SHISA9: variants seen among roughly 807,000 people sequenced by gnomAD.
The protein encoded by SHISA9 is protein shisa-9.
A neutral mutation model predicts 38.0 loss-of-function variants in SHISA9; 13 were observed. That is an observed-to-expected ratio of 0.34 (90% CI 0.22 to 0.54). SHISA9 has a LOEUF of 0.54. Ranked by LOEUF, SHISA9 falls within the 20% of genes least tolerant of loss-of-function variation. The pLI is 0.91. For missense variants in SHISA9, 538 were observed against 575.8 expected, an observed-to-expected ratio of 0.93 and a Z score of 0.67; for synonymous variants, 275 against 242.0, an observed-to-expected ratio of 1.14 and a Z score of -1.27.
At chr16:13,100,801 C>T (rs1274525728) in intron 2 of SHISA9, among the ~76,000 whole-genome samples, 2 of 152,098 alleles carry the variant, frequency 1.3e-5, no homozygotes, top group South Asian at 2.1e-4. Context: ...TCTGCCTCTC[C>T]GGTTCAAGGG....
chr16:13,089,726 A>G (rs564902166), intron 2 of SHISA9, among the ~76,000 whole-genome samples: 3 of 151,824 alleles, frequency 2.0e-5, no homozygotes, highest in Non-Finnish European at 2.9e-5. Context: ...TGGTCTATCA[A>G]TTTTGTTGAT....
At chr16:13,286,753 G>C in the SHISA9 span, among the ~76,000 whole-genome samples, 1 of 152,064 alleles carries the variant, frequency 6.6e-6, no homozygotes, top group Admixed American at 6.6e-5. Context: ...TTCAAGAAAA[G>C]GAAATGAAGT....
At chr16:13,516,598 G>A in the SHISA9 span, among the ~76,000 whole-genome samples, 2 of 152,040 alleles carry the variant, frequency 1.3e-5, no homozygotes, top group South Asian at 2.1e-4. Context: ...TCAGGAGTTC[G>A]AGACCAGCCT....
chr16:13,035,618 C>A (rs922519871), intron 2 of SHISA9, among the ~76,000 whole-genome samples: 1 of 152,018 alleles, frequency 6.6e-6, no homozygotes, highest in Admixed American at 6.6e-5. Context: ...GCAACTTCCA[C>A]CTCCCAGGTT....
the SHISA9 span, among the ~76,000 whole-genome samples, chr16:13,535,891 C>G: frequency 6.6e-6 from 1 of 152,214 alleles, no homozygotes; most frequent in African/African-American, 2.4e-5. Flanking sequence ...GATCTGCTAA[C>G]TACAGCTTCA....
chr16:13,485,462 C>T, the SHISA9 span, among the ~76,000 whole-genome samples: 1 of 152,128 alleles, frequency 6.6e-6, no homozygotes, highest in Non-Finnish European at 1.5e-5. Flanking sequence ...CCCTTGTTCT[C>T]ATACCATATT....
At chr16:13,555,847 G>C in the SHISA9 span, among the ~76,000 whole-genome samples, 2 of 151,776 alleles carry the variant, frequency 1.3e-5, no homozygotes, top group Non-Finnish European at 2.9e-5. Context: ...CAGCCCCACA[G>C]TGCAGTTTGG....
chr16:13,134,375 T>A (rs2050330025), intron 2 of SHISA9, among the ~76,000 whole-genome samples: 1 of 152,164 alleles, frequency 6.6e-6, no homozygotes, highest in Admixed American at 6.5e-5. Flanking sequence ...TTGTTGAGCC[T>A]CTCTTGAGTG....
chr16:13,030,746 A>G (rs1346631151), intron 2 of SHISA9, among the ~76,000 whole-genome samples: 5 of 152,230 alleles, frequency 3.3e-5, no homozygotes. Flanking sequence ...TGAATAAAAT[A>G]TGGTAGGAAA....
At chr16:13,342,708 A>C in the SHISA9 span, among the ~76,000 whole-genome samples, 1 of 152,326 alleles carries the variant, frequency 6.6e-6, no homozygotes, top group East Asian at 1.9e-4. Flanking sequence ...CACATTCGGT[A>C]GTCCCTTTCT....
At chr16:13,456,835 G>T in the SHISA9 span, among the ~76,000 whole-genome samples, 4 of 152,150 alleles carry the variant, frequency 2.6e-5, no homozygotes, top group Admixed American at 2.6e-4. Context: ...CCAAAGCTGG[G>T]GATACTCCAT....
chr16:13,373,508 A>G, the SHISA9 span, among the ~76,000 whole-genome samples: 1 of 152,190 alleles, frequency 6.6e-6, no homozygotes, highest in African/African-American at 2.4e-5. Context: ...CACGCCTGTA[A>G]TCCCAGCACT....
chr16:13,377,597 G>A, the SHISA9 span, among the ~76,000 whole-genome samples: 11 of 152,154 alleles, frequency 7.2e-5, no homozygotes, highest in African/African-American at 2.4e-4. Context: ...AAACACATAC[G>A]TGGTTCTCTT....
chr16:12,909,167 G>A, intron 1 of SHISA9: 1 of 985,850 alleles, frequency 1.0e-6, no homozygotes, highest in African/African-American at 1.7e-5. Context: ...TCTTTGCAGG[G>A]TATGTTGACT....
chr16:13,244,167 C>T (rs549251668), downstream of SHISA9, among the ~76,000 whole-genome samples: 1 of 152,080 alleles, frequency 6.6e-6, no homozygotes, highest in Non-Finnish European at 1.5e-5. Flanking sequence ...ATTCCCTTTT[C>T]AGAATAATGA....
the SHISA9 span, among the ~76,000 whole-genome samples, chr16:13,518,657 C>G: frequency 1.3e-5 from 2 of 152,218 alleles, no homozygotes; most frequent in African/African-American, 4.8e-5. Flanking sequence ...GTTCCCCATT[C>G]TACACCCTTC....
intron 2 of SHISA9, among the ~76,000 whole-genome samples, chr16:13,155,729 G>A (rs1182989659): frequency 1.3e-5 from 2 of 152,060 alleles, no homozygotes; most frequent in Non-Finnish European, 2.9e-5. Flanking sequence ...GGCTGGGGTG[G>A]GGGACATTTG....
intron 1 of SHISA9, chr16:12,910,589 T>A (rs2071169497): frequency 1.0e-6 from 1 of 985,352 alleles, no homozygotes; most frequent in Non-Finnish European, 1.2e-6. Context: ...CAATATTCAG[T>A]CATTTCAACC....
chr16:13,263,353 G>C, the SHISA9 span, among the ~76,000 whole-genome samples: 3 of 152,184 alleles, frequency 2.0e-5, no homozygotes, highest in Admixed American at 2.0e-4. Context: ...GGAGGAGACT[G>C]GATCACGGGG....
Sources: allele counts gnomAD v4.1 joint callset (sites outside exome capture counted in the v4.1 genomes callset), GRCh38; gene constraint gnomAD v4.1.1; transcripts MANE v1.5; gene names NCBI Gene and HGNC (gene_info 2026-07-23, HGNC 2026-07-21).